Variants in RAI14 observed in about 807,000 individuals in gnomAD.
RAI14 encodes retinoic acid induced 14.
In RAI14, 45 loss-of-function variants were observed where a neutral mutation model predicts 115.4. The observed-to-expected ratio is 0.39, with a 90% CI of 0.31 to 0.50. RAI14 has a LOEUF of 0.50. Among genes scored for constraint, RAI14 ranks in the 20% least tolerant of loss-of-function variants. RAI14 has a pLI of 0.85. For synonymous variants in RAI14, 371 were observed against 415.4 expected (o/e 0.89, Z 1.30); for missense variants, 939 against 1,131.2 (o/e 0.83, Z 2.44).
chr5:34,771,488 A>G (rs1750150650), intron 3 of RAI14, among the ~76,000 whole-genome samples: 2 of 152,218 alleles, frequency 1.3e-5, no homozygotes, highest in African/African-American at 4.8e-5. Context: ...TTTCCTCCCA[A>G]TATCTATTTC....
At chr5:34,746,080 A>ACC (rs1253097324) in intron 2 of RAI14, among the ~76,000 whole-genome samples, 19 of 41,180 alleles carry the variant, frequency 4.6e-4, no homozygotes, top group Non-Finnish European at 7.0e-4. Context: ...CTCCCCTTAT[A>ACC]CACCACCCCC....
intron 2 of RAI14, among the ~76,000 whole-genome samples, chr5:34,738,526 G>C (rs1242928940): frequency 6.6e-6 from 1 of 152,170 alleles, no homozygotes; most frequent in Non-Finnish European, 1.5e-5. Context: ...GGCCTCCCTT[G>C]TTTGCTTGGT....
chr5:34,679,753 T>A (rs951751378), intron 1 of RAI14, among the ~76,000 whole-genome samples: 1 of 152,186 alleles, frequency 6.6e-6, no homozygotes, highest in Non-Finnish European at 1.5e-5. Context: ...GGCATCCTGG[T>A]AAGATTTCAC....
chr5:34,723,620 G>A (rs1158683932), intron 2 of RAI14, among the ~76,000 whole-genome samples: 1 of 152,148 alleles, frequency 6.6e-6, no homozygotes, highest in African/African-American at 2.4e-5. Context: ...ATTAACCGTC[G>A]CATAGTGGAG....
Position 34,752,892 on chromosome 5 carries a change from C to G in RAI14, c.37-4576C>G, listed in dbSNP as rs548528305. 5.6e-4 allele frequency among the ~76,000 whole-genome samples: 85 copies of G among 151,360 alleles called. No individual in the cohort carries two copies. The East Asian group carries it at 0.015, about 27-fold the overall frequency. ...AAACGATTCTCCTGCCTCAGAATCCCAAGTAGCTGGGATCACAGGCACGAG... is the reference window on the plus strand; with the variant it reads ...AAACGATTCTCCTGCCTCAGAATCCGAAGTAGCTGGGATCACAGGCACGAG... On this transcript the variant is annotated intron_variant, in intron 2 of 17. Transcript: ENST00000265109.
chr5:34,760,853 T>G lies in RAI14; in HGVS notation c.167+3255T>G, dbSNP rs112000724. On this transcript the variant is annotated intron_variant, in intron 3 of 17. Coordinates refer to ENST00000265109, the MANE Select transcript of RAI14 (RefSeq NM_015577.3). Reference sequence around the variant, plus strand: ...ACTTTCTAGTTCTAGAACTTTCTAATCAACCCAAAGAAAACCCCGAACCCA... The same window carrying G: ...ACTTTCTAGTTCTAGAACTTTCTAAGCAACCCAAAGAAAACCCCGAACCCA... 3.9e-3 allele frequency among the ~76,000 whole-genome samples: 595 copies of G among 152,324 alleles called. 2 individuals are homozygous for G. The highest frequency in any genetic ancestry group is 0.014 in the African/African-American group (565 of 41,570).
At position 34,807,848 on chromosome 5, in the gene RAI14, C is replaced by T; in HGVS notation, c.370C>T (p.His124Tyr). The T allele has an allele frequency of 1.2e-6, 2 of 1,610,740 alleles. No individual in the cohort carries two copies. The highest frequency in any genetic ancestry group is 1.7e-6 in the Non-Finnish European group (2 of 1,176,930). The change falls in exon 6 of 18, where the codon CAT (histidine) becomes TAT (tyrosine). Residue 124 changes from histidine (H) to tyrosine (Y), a missense_variant. Transcript: ENST00000265109. ...SVDSSGKTAL[H>Y]YAAAQGCLQA... ...CGACAGCTCTGGGAAAACAGCTTTA[C>T]ATTATGCAGGTAACTTTCATTCTCC...
intron 3 of RAI14, among the ~76,000 whole-genome samples, chr5:34,786,008 G>A (rs1752249333): frequency 6.6e-6 from 1 of 152,214 alleles, no homozygotes; most frequent in African/African-American, 2.4e-5. Context: ...ACCTTTTGCA[G>A]GGTTCCCGAG....
chr5:34,820,378 G>A lies in RAI14; in HGVS notation c.995-1354G>A, dbSNP rs547863173. Among the ~76,000 whole-genome samples, 19 of 152,256 alleles carry A rather than the reference G, an allele frequency of 1.2e-4. 1 individual carries two copies. In the South Asian group the frequency reaches 2.3e-3, roughly 18 times the overall value. On this transcript the variant is annotated intron_variant, in intron 13 of 17. Transcript: ENST00000265109. ...GCAGATCACCTGAGGTCAGGAGTTC[G>A]AGACCAGCCTGGCCAATGTGGCAAA...
At chr5:34,699,778 C>T (rs971293421) in intron 2 of RAI14, among the ~76,000 whole-genome samples, 3 of 152,138 alleles carry the variant, frequency 2.0e-5, no homozygotes, top group East Asian at 1.9e-4. Context: ...CTGGTGCACA[C>T]GGGTGTTTGC....
intron 1 of RAI14, among the ~76,000 whole-genome samples, chr5:34,678,485 G>C (rs1403514206): frequency 6.6e-6 from 1 of 152,114 alleles, no homozygotes. Context: ...GGTCATATGG[G>C]TGGACTCTAA....
chr5:34,750,210 A>G (rs1352631258), intron 2 of RAI14, among the ~76,000 whole-genome samples: 2 of 152,082 alleles, frequency 1.3e-5, no homozygotes, highest in Non-Finnish European at 2.9e-5. Context: ...AGGGACACGG[A>G]TGACCACCTA....
At chr5:34,726,969 C>A (rs1743548996) in intron 2 of RAI14, among the ~76,000 whole-genome samples, 1 of 152,084 alleles carries the variant, frequency 6.6e-6, no homozygotes. Flanking sequence ...TGTAAAGATA[C>A]CCAAAAATGT....
chr5:34,723,144 C>T (rs1743007985), intron 2 of RAI14, among the ~76,000 whole-genome samples: 1 of 149,822 alleles, frequency 6.7e-6, no homozygotes. Flanking sequence ...TTTATGGATC[C>T]ACTGTGGAGT....
At chr5:34,781,154 T>C (rs1751572252) in intron 3 of RAI14, among the ~76,000 whole-genome samples, 1 of 137,738 alleles carries the variant, frequency 7.3e-6, no homozygotes, top group Non-Finnish European at 1.5e-5. Flanking sequence ...TTCTCACTTA[T>C]AGGTGGGAAT....
chr5:34,689,446 A>G (rs1376142656), intron 2 of RAI14, among the ~76,000 whole-genome samples: 2 of 152,112 alleles, frequency 1.3e-5, no homozygotes, highest in African/African-American at 4.8e-5. Flanking sequence ...AGTAGCTTTA[A>G]AAGCGACTTA....
intron 2 of RAI14, among the ~76,000 whole-genome samples, chr5:34,711,731 C>G (rs1340490197): frequency 1.3e-5 from 2 of 152,194 alleles, no homozygotes; most frequent in Non-Finnish European, 2.9e-5. Context: ...CAGACACCGA[C>G]TCTGACGTGA....
At chr5:34,808,435 C>A in intron 6 of RAI14, 149 bp from the exon 7 acceptor site, 1 of 729,100 alleles carries the variant, frequency 1.4e-6, no homozygotes, top group South Asian at 1.9e-5. Flanking sequence ...TCACTCCTAA[C>A]CTTCCTAATA....
At chr5:34,784,519 T>C (rs2150171885) in intron 3 of RAI14, among the ~76,000 whole-genome samples, 1 of 152,346 alleles carries the variant, frequency 6.6e-6, no homozygotes, top group East Asian at 1.9e-4. Flanking sequence ...CAGTAATTTT[T>C]CCAGGATCAT....
Sources: gnomAD v4.1 joint callset for allele counts (sites outside exome capture counted in the v4.1 genomes callset) on GRCh38, gnomAD v4.1.1 for gene constraint, MANE v1.5 for transcripts, NCBI Gene and HGNC (gene_info 2026-07-23, HGNC 2026-07-21) for gene names.